Variants in USP42 observed in about 807,000 individuals in gnomAD.
The protein encoded by USP42 is ubiquitin carboxyl-terminal hydrolase 42.
Under a neutral mutation model 113.0 loss-of-function variants are expected in USP42, and 23 were observed. The ratio of observed to expected loss-of-function variants is 0.20; its 90% CI spans 0.15 to 0.29. The LOEUF (loss-of-function observed/expected upper bound fraction) is 0.29, where lower values mean the gene tolerates loss of function less well. Among genes scored for constraint, USP42 ranks in the 10% least tolerant of loss-of-function variants. The probability of loss-of-function intolerance (pLI) is 1.00; values close to 1 mark genes in which losing one functional copy is unlikely to be tolerated. For missense variants in USP42, 2,174 were observed against 1,779.8 expected, an observed-to-expected ratio of 1.22 and a Z score of -3.99; for synonymous variants, 933 against 699.0, an observed-to-expected ratio of 1.33 and a Z score of -5.28.
At chr7:6,112,900 C>CTTTTTTTTT (rs34002709) in intron 2 of USP42, among the ~76,000 whole-genome samples, 1 of 102,768 alleles carries the variant, frequency 9.7e-6, no homozygotes, top group Non-Finnish European at 1.9e-5. Flanking sequence ...TAGTAAGTTT[C>CTTTTTTTTT]TTTTTTTTTT....
chr7:6,105,393 G>A (rs1477952495), intron 1 of USP42, among the ~76,000 whole-genome samples: 3 of 149,256 alleles, frequency 2.0e-5, no homozygotes, highest in Non-Finnish European at 3.0e-5. Flanking sequence ...GGGCCGGGCA[G>A]GCAGGCGGGA....
the USP42 span, among the ~76,000 whole-genome samples, chr7:6,088,002 A>G: frequency 6.6e-6 from 1 of 151,146 alleles, no homozygotes. Flanking sequence ...GTTACCTGCT[A>G]TTAATATCAA....
intron 3 of USP42, among the ~76,000 whole-genome samples, chr7:6,129,882 C>A (rs899618391): frequency 2.0e-5 from 3 of 149,386 alleles, no homozygotes; most frequent in Non-Finnish European, 4.5e-5. Context: ...AAAAAGGTTT[C>A]TTTTATATAC....
intron 3 of USP42, 105 bp from the exon 4 acceptor site, chr7:6,135,736 C>A: frequency 2.2e-6 from 1 of 449,532 alleles, no homozygotes; most frequent in Non-Finnish European, 4.0e-6. Flanking sequence ...ATGCATATAG[C>A]AGCTATTATT....
At chr7:6,082,938 C>CATAT in the USP42 span, among the ~76,000 whole-genome samples, 1 of 144,492 alleles carries the variant, frequency 6.9e-6, no homozygotes, top group Non-Finnish European at 1.5e-5. Context: ...TATATAGATA[C>CATAT]ATATATATAT....
the USP42 span, among the ~76,000 whole-genome samples, chr7:6,090,262 T>C: frequency 1.4e-5 from 2 of 143,074 alleles, 1 homozygote; most frequent in East Asian, 4.1e-4. Flanking sequence ...ATCACGCCAT[T>C]GCACACCAGC....
At chr7:6,113,870 C>G (rs372467750) in intron 2 of USP42, among the ~76,000 whole-genome samples, 1 of 151,390 alleles carries the variant, frequency 6.6e-6, no homozygotes, top group Non-Finnish European at 1.5e-5. Context: ...ATCCGCCCGC[C>G]TCGGCCTCCC....
At position 6,153,854 on chromosome 7, in the gene USP42, C is replaced by A; in HGVS notation, c.2300C>A (p.Ala767Asp). 6.5e-7 allele frequency: 1 copy of A among 1,549,698 alleles called. No individual in the cohort carries two copies. The highest frequency in any genetic ancestry group is 8.7e-7 in the Non-Finnish European group (1 of 1,147,818). Residue 767 changes from alanine to aspartate, a missense_variant, in exon 15 of 18, where the codon GCC (alanine) becomes GAC (aspartate). Ala to Asp is a moderately radical substitution (Grantham distance 126). Coordinates refer to ENST00000306177, the MANE Select transcript of USP42 (RefSeq NM_032172.3). ...AESLEEPDAA[A>D]GLSSTKKAPP... The stretch of plus-strand genomic sequence containing the variant: ...TCCCTGGAGGAGCCAGATGCGGCCG[C>A]CGGCCTCAGCAGCACCAAGAAGGCT...
At chr7:6,151,507 A>G (rs573698925) in intron 14 of USP42, among the ~76,000 whole-genome samples, 2 of 152,266 alleles carry the variant, frequency 1.3e-5, no homozygotes, top group Non-Finnish European at 2.9e-5. Flanking sequence ...GTGCGATCTC[A>G]GCTCACTGCA....
chr7:6,094,758 C>T, the USP42 span, among the ~76,000 whole-genome samples: 1 of 150,630 alleles, frequency 6.6e-6, no homozygotes. Context: ...CACCAACTTA[C>T]TCTTTTGGCC....
intron 15 of USP42, among the ~76,000 whole-genome samples, chr7:6,155,759 G>C (rs1262886699): frequency 6.6e-6 from 1 of 152,062 alleles, no homozygotes; most frequent in Non-Finnish European, 1.5e-5. Flanking sequence ...ATTTGCTTCT[G>C]TATTTTTTAA....
chr7:6,140,845 C>A, intron 6 of USP42, 69 bp from the exon 7 acceptor site: 4 of 859,932 alleles, frequency 4.7e-6, no homozygotes, highest in South Asian at 1.6e-5. Flanking sequence ...TGTATTTTGT[C>A]ATTTCAGTAG....
Position 6,160,575 on chromosome 7 carries a change from G to C in USP42, c.*57G>C, listed in dbSNP as rs991637488. The C allele has an allele frequency of 6.6e-6, 1 of 152,652 alleles. No individual in the cohort carries two copies. Among genetic ancestry groups the C allele is most frequent in the African/African-American group, 2.4e-5 (1 of 41,444 alleles). The allele number at this position is 152,652 out of a possible 1,614,324, so 9.5% of individuals were successfully genotyped here. A position where few individuals can be genotyped will look rare whatever the true frequency, so the allele number is the denominator to read the frequency against. ...TTCAGATTCAACGCGTTCAACAGAA[G>C]CCATCCCCAGCCCAGCTTAAATTAT... On this transcript the variant is annotated 3_prime_UTR_variant, in exon 18 of 18. Coordinates refer to ENST00000306177, the MANE Select transcript of USP42 (RefSeq NM_032172.3).
At chr7:6,114,672 ATATATATTTTTTTTTTTTTTT>A (rs1201934041) in intron 2 of USP42, among the ~76,000 whole-genome samples, 8 of 33,740 alleles carry the variant, frequency 2.4e-4, no homozygotes, top group Admixed American at 4.0e-4. Flanking sequence ...ATATATATAT[ATATATATTTTTTTTTTTTTTT>A]TTTTTTTTTT....
rs758308318 is a variant in USP42, at chr7:6,145,626, C to T, written c.1101C>T (p.Cys367=). 3.1e-6 allele frequency: 5 copies of T among 1,613,896 alleles called. No homozygotes were observed. The highest frequency in any genetic ancestry group is 4.2e-6 in the Non-Finnish European group (5 of 1,179,834). Residue 367 remains cysteine (C), a synonymous_variant, in exon 10 of 18, where the codon TGC becomes TGT. Transcript: ENST00000306177. ...YAVLVHTGFN[C]HAGHYFCYIK... is the part of the protein sequence containing the mutation. ...TGCTGGTCCACACTGGTTTTAATTGCCATGCTGGCCATTACTTCTGCTACA... is the reference window on the plus strand; with the variant it reads ...TGCTGGTCCACACTGGTTTTAATTGTCATGCTGGCCATTACTTCTGCTACA...
upstream of USP42, among the ~76,000 whole-genome samples, chr7:6,103,791 C>A (rs1460052239): frequency 6.7e-6 from 1 of 150,068 alleles, no homozygotes; most frequent in Admixed American, 6.6e-5. Flanking sequence ...CAGCGGCTCA[C>A]GCCTGTAATC....
At chr7:6,118,050 G>C (rs1341379557) in intron 3 of USP42, among the ~76,000 whole-genome samples, 1 of 151,764 alleles carries the variant, frequency 6.6e-6, no homozygotes, top group Non-Finnish European at 1.5e-5. Flanking sequence ...TTTTTGTTTT[G>C]GGAAATTTCA....
At position 6,157,053 on chromosome 7, in the gene USP42, A is replaced by C; in HGVS notation, c.3941A>C (p.Gln1314Pro). 1 of 1,581,066 alleles carries C rather than the reference A, an allele frequency of 6.3e-7. No individual in the cohort carries two copies. Among genetic ancestry groups the C allele is most frequent in the Non-Finnish European group, 8.6e-7 (1 of 1,167,634 alleles). Residue 1314 changes from glutamine (Q) to proline (P), a missense_variant and splice_region_variant, in exon 16 of 18, where the codon CAG (glutamine) becomes CCG (proline). Transcript: ENST00000306177. The surrounding 1 kb of genome is among the most constrained non-coding windows in gnomAD (Gnocchi z 4.1). Reference sequence around the variant, plus strand: ...AGGTGTCGTCTCTTTGAGTATGGCCAGGGTAAGAGGAGATACTTGGAATTA... The same window carrying C: ...AGGTGTCGTCTCTTTGAGTATGGCCCGGGTAAGAGGAGATACTTGGAATTA... Reference protein sequence around the residue: ...DDRCRLFEYGQGD With the variant: ...DDRCRLFEYGPGD
chr7:6,150,408 G>A lies in USP42; in HGVS notation c.2107-4G>A, dbSNP rs956022181. 6.2e-7 allele frequency: 1 copy of A among 1,613,320 alleles called. No individual in the cohort carries two copies. The highest frequency in any genetic ancestry group is 2.2e-5 in the East Asian group (1 of 44,862). ...AAGCTGAAATATTTTTGTTTTTATT[G>A]CAGTTGATGCCTGCTCCTTTGCTGT... On this transcript the variant is annotated splice_polypyrimidine_tract_variant and splice_region_variant and intron_variant, in intron 13 of 17. Transcript: ENST00000306177.
Sources: gnomAD v4.1 joint callset for allele counts (sites outside exome capture counted in the v4.1 genomes callset) on GRCh38, gnomAD v4.1.1 for gene constraint, Gnocchi (gnomAD v3.1) non-coding constraint, MANE v1.5 for transcripts, NCBI Gene and HGNC (gene_info 2026-07-23, HGNC 2026-07-21) for gene names.